SAMD8: variants seen among roughly 807,000 people sequenced by gnomAD.
SAMD8 encodes the protein sterile alpha motif domain containing 8.
SAMD8 carries 20 observed loss-of-function variants against 42.0 expected under a neutral mutation model. The ratio of observed to expected loss-of-function variants is 0.48; its 90% CI spans 0.34 to 0.69. SAMD8 has a LOEUF of 0.69. Among genes scored for constraint, SAMD8 ranks in the 30% least tolerant of loss-of-function variants. The probability of loss-of-function intolerance (pLI) is 0.01; values close to 1 mark genes in which losing one functional copy is unlikely to be tolerated. For missense variants in SAMD8, 328 were observed against 511.6 expected (o/e 0.64, Z 3.46); for synonymous variants, 162 against 173.0 (o/e 0.94, Z 0.50).
At chr10:75,155,880 A>G (rs1840399494) in intron 2 of SAMD8, among the ~76,000 whole-genome samples, 1 of 152,196 alleles carries the variant, frequency 6.6e-6, no homozygotes, top group Non-Finnish European at 1.5e-5. Context: ...AAACTCAGCA[A>G]CAATAGCACT....
At chr10:75,166,970 G>A (rs1840697987) in intron 3 of SAMD8, among the ~76,000 whole-genome samples, 1 of 152,156 alleles carries the variant, frequency 6.6e-6, no homozygotes, top group African/African-American at 2.4e-5. Flanking sequence ...GCACACTAAT[G>A]CTTGAAACAT....
intron 1 of SAMD8, among the ~76,000 whole-genome samples, chr10:75,148,119 A>G (rs1434870387): frequency 6.6e-6 from 1 of 152,152 alleles, no homozygotes; most frequent in Admixed American, 6.5e-5. Context: ...AAGTCTTCCA[A>G]AAATTACGAT....
chr10:75,117,220 T>C (rs1848904898), intron 1 of SAMD8, among the ~76,000 whole-genome samples: 1 of 147,974 alleles, frequency 6.8e-6, no homozygotes, highest in Non-Finnish European at 1.5e-5. Context: ...CCCAGGAGTT[T>C]GAGACCAGCC....
At chr10:75,158,636 AT>A (rs1840477851) in intron 2 of SAMD8, among the ~76,000 whole-genome samples, 1 of 152,110 alleles carries the variant, frequency 6.6e-6, no homozygotes, top group Non-Finnish European at 1.5e-5. Flanking sequence ...GTTTTAGTGT[AT>A]TTACAAAGTT....
At chr10:75,135,221 G>C (rs572336773) in intron 1 of SAMD8, among the ~76,000 whole-genome samples, 2 of 152,042 alleles carry the variant, frequency 1.3e-5, no homozygotes, top group African/African-American at 4.8e-5. Context: ...GGGAGGCCGA[G>C]GCGGGCTGAT....
At chr10:75,105,571 C>T in intron 1 of SAMD8, 1 of 1,278,504 alleles carries the variant, frequency 7.8e-7, no homozygotes, top group Non-Finnish European at 1.1e-6. Context: ...CCAACCAATC[C>T]TGGAAGAATC....
chr10:75,170,088 A>G (rs1340240023), intron 4 of SAMD8, among the ~76,000 whole-genome samples: 1 of 152,212 alleles, frequency 6.6e-6, no homozygotes, highest in Non-Finnish European at 1.5e-5. Flanking sequence ...AGAAGAAATT[A>G]TGCAGATGGG....
intron 1 of SAMD8, among the ~76,000 whole-genome samples, chr10:75,143,252 G>A (rs1231056632): frequency 6.6e-6 from 1 of 152,248 alleles, no homozygotes; most frequent in Non-Finnish European, 1.5e-5. Context: ...GTTGCAGTGA[G>A]CCTAGGTCAT....
chr10:75,104,744 C>T (rs1464815082), intron 1 of SAMD8, among the ~76,000 whole-genome samples: 1 of 152,136 alleles, frequency 6.6e-6, no homozygotes, highest in Non-Finnish European at 1.5e-5. Flanking sequence ...CCCCCAAACT[C>T]TAAACTTAGC....
At chr10:75,103,846 C>A in intron 1 of SAMD8, 1 of 1,256,936 alleles carries the variant, frequency 8.0e-7, no homozygotes. Flanking sequence ...CTTGGGGTCC[C>A]TGGCCAAGAA....
rs1841021732 is a variant in SAMD8 at position 75,178,147 on chromosome 10, A to G, written c.*1455A>G. 2 of 152,218 alleles carry G rather than the reference A, an allele frequency of 1.3e-5. No homozygotes were observed. Among genetic ancestry groups the G allele is most frequent in the Non-Finnish European group, 2.9e-5 (2 of 68,048 alleles). The allele number at this position is 152,218 out of a possible 1,614,324, so 9.4% of individuals were successfully genotyped here. ...CTTTGAGTCATATTCCCACCCCTGTATAAGCTACATAGGAGCCTGAATGAA... is the reference window on the plus strand; with the variant it reads ...CTTTGAGTCATATTCCCACCCCTGTGTAAGCTACATAGGAGCCTGAATGAA... On this transcript the variant is annotated 3_prime_UTR_variant, in exon 6 of 6. Coordinates refer to ENST00000542569, the MANE Select transcript of SAMD8 (RefSeq NM_001174156.2).
intron 1 of SAMD8, among the ~76,000 whole-genome samples, chr10:75,103,605 T>A (rs1286879515): frequency 6.6e-6 from 1 of 152,178 alleles, no homozygotes; most frequent in African/African-American, 2.4e-5. Flanking sequence ...CACACATACC[T>A]TGATACTACT....
At chr10:75,110,594 G>A (rs972516583), upstream of SAMD8, among the ~76,000 whole-genome samples, 3 of 152,192 alleles carry the variant, frequency 2.0e-5, no homozygotes, top group African/African-American at 7.2e-5. Flanking sequence ...CAAGACCAAG[G>A]AGGGGCTCGT....
chr10:75,155,471 AG>A (rs1288939892), intron 2 of SAMD8, among the ~76,000 whole-genome samples: 1 of 152,058 alleles, frequency 6.6e-6, no homozygotes, highest in Non-Finnish European at 1.5e-5. Context: ...AAAAAAAAAA[AG>A]TATTTTAAGA....
At chr10:75,102,659 A>G (rs994187464) in intron 1 of SAMD8, among the ~76,000 whole-genome samples, 1 of 152,036 alleles carries the variant, frequency 6.6e-6, no homozygotes, top group Non-Finnish European at 1.5e-5. Context: ...AATACAAAAA[A>G]TTAGTGAGTT....
At chr10:75,117,886 G>A (rs576181061) in intron 1 of SAMD8, among the ~76,000 whole-genome samples, 2 of 152,246 alleles carry the variant, frequency 1.3e-5, no homozygotes, top group African/African-American at 4.8e-5. Flanking sequence ...TCCTATCATC[G>A]TGGAAAAATT....
At chr10:75,109,101 G>A, upstream of SAMD8, 1 of 1,612,016 alleles carries the variant, frequency 6.2e-7, no homozygotes, top group East Asian at 2.2e-5. Context: ...CCAGGATGCT[G>A]GGGCAAGGCG....
upstream of SAMD8, among the ~76,000 whole-genome samples, chr10:75,108,670 G>T (rs540630108): frequency 7.2e-5 from 11 of 152,196 alleles, no homozygotes; most frequent in Non-Finnish European, 1.3e-4. Flanking sequence ...GGGAGGCTGG[G>T]CCCAGAAACA....
chr10:75,156,410 A>C (rs1459437000), intron 2 of SAMD8, among the ~76,000 whole-genome samples: 1 of 152,176 alleles, frequency 6.6e-6, no homozygotes, highest in Admixed American at 6.5e-5. Context: ...GTAGATGATA[A>C]AATCTATTAG....
Sources: allele counts gnomAD v4.1 joint callset (sites outside exome capture counted in the v4.1 genomes callset), GRCh38; gene constraint gnomAD v4.1.1; transcripts MANE v1.5; gene names NCBI Gene and HGNC (gene_info 2026-07-23, HGNC 2026-07-21).